CSMD1: variants seen among roughly 807,000 people sequenced by gnomAD.
CSMD1 encodes CUB and sushi domain-containing protein 1.
Under a neutral mutation model 417.5 loss-of-function variants are expected in CSMD1, and 213 were observed. That is an observed-to-expected ratio of 0.51 (90% CI 0.46 to 0.57). The LOEUF (loss-of-function observed/expected upper bound fraction) is 0.57. Among genes scored for constraint, CSMD1 ranks in the 20% least tolerant of loss-of-function variants. The pLI is 0.00. For synonymous variants in CSMD1, 2,862 were observed against 1,736.8 expected (o/e 1.65, Z -16.11); for missense variants, 6,923 against 4,529.7 (o/e 1.53, Z -15.17).
intron 23 of CSMD1, among the ~76,000 whole-genome samples, chr8:3,326,047 C>A (rs977823867): frequency 6.6e-6 from 1 of 152,166 alleles, no homozygotes; most frequent in African/African-American, 2.4e-5. Context: ...ACAGCGGTCA[C>A]CCGGGTGATC....
intron 3 of CSMD1, among the ~76,000 whole-genome samples, chr8:4,345,154 C>T (rs959215156): frequency 1.3e-5 from 2 of 152,106 alleles, no homozygotes; most frequent in African/African-American, 4.8e-5. Flanking sequence ...AAGCAGAAAA[C>T]AGTGGAAACA....
rs547351836 is a variant in CSMD1, at chr8:3,167,545, T to G, written c.5726-5268A>C. ...TGTACTGTAGTGTTTTATACAATAT[T>G]ATCCACTGATACATTTTGTGTTCAA... On this transcript the variant is annotated intron_variant, in intron 37 of 69. Transcript: ENST00000635120. Among the ~76,000 whole-genome samples, 22 of 152,346 alleles carry G rather than the reference T, an allele frequency of 1.4e-4. No homozygotes were observed. The South Asian group carries it at 4.3e-3, about 30-fold the overall frequency.
intron 50 of CSMD1, among the ~76,000 whole-genome samples, chr8:3,049,572 G>A (rs13261977): frequency 0.19 from 28,395 of 151,988 alleles, 3,198 homozygotes; most frequent in Non-Finnish European, 0.25. Context: ...GTTTGTCAGG[G>A]GTTGGATGCA....
Position 4,501,937 on chromosome 8 carries a change from GA to G in CSMD1, c.303-81873del, listed in dbSNP as rs534265089. On this transcript the variant is annotated intron_variant, in intron 2 of 69. Coordinates refer to ENST00000635120, the MANE Select transcript of CSMD1 (RefSeq NM_033225.6). Reference sequence around the variant, plus strand: ...GGGGGTTTTGGAACATACCCCCCTAGAATAAGGGAGAGAACTGTATTTAGAG... The same window carrying G: ...GGGGGTTTTGGAACATACCCCCCTAGATAAGGGAGAGAACTGTATTTAGAG... Among the ~76,000 whole-genome samples, 240 of 152,230 alleles carry G rather than the reference GA, an allele frequency of 1.6e-3. 1 individual carries two copies. Among genetic ancestry groups the G allele is most frequent in the African/African-American group, 4.8e-3 (200 of 41,552 alleles).
At chr8:4,365,262 T>C (rs1256915185) in intron 3 of CSMD1, among the ~76,000 whole-genome samples, 1 of 152,234 alleles carries the variant, frequency 6.6e-6, no homozygotes. Flanking sequence ...AATTTTACTT[T>C]CTTAAAGAAA....
chr8:4,163,489 C>G (rs773405367), intron 3 of CSMD1, among the ~76,000 whole-genome samples: 1 of 151,906 alleles, frequency 6.6e-6, no homozygotes, highest in African/African-American at 2.4e-5. Context: ...AGATTTTATC[C>G]TTCAACTCAC....
intron 8 of CSMD1, among the ~76,000 whole-genome samples, chr8:3,590,316 A>T (rs1800792538): frequency 6.6e-6 from 1 of 152,168 alleles, no homozygotes; most frequent in Non-Finnish European, 1.5e-5. Context: ...TTTATAATTT[A>T]AAAGTTAAAA....
chr8:3,781,999 T>C (rs79961689), intron 5 of CSMD1, among the ~76,000 whole-genome samples: 3,489 of 151,382 alleles, frequency 0.023, 176 homozygotes, highest in East Asian at 0.15. Context: ...CTGAAAGACA[T>C]TTTGATTTTT....
At chr8:4,750,979 G>T (rs908245203) in intron 1 of CSMD1, among the ~76,000 whole-genome samples, 2 of 152,200 alleles carry the variant, frequency 1.3e-5, no homozygotes, top group African/African-American at 4.8e-5. Flanking sequence ...TTAAGGGAAG[G>T]CTTTAACCTG....
chr8:3,169,003 C>T (rs534734273), intron 37 of CSMD1, among the ~76,000 whole-genome samples: 1 of 152,142 alleles, frequency 6.6e-6, no homozygotes, highest in African/African-American at 2.4e-5. Context: ...GAACTCTCAT[C>T]AAGTTTATTT....
At chr8:3,880,772 C>T (rs906636319) in intron 5 of CSMD1, among the ~76,000 whole-genome samples, 38 of 152,184 alleles carry the variant, frequency 2.5e-4, no homozygotes, top group African/African-American at 6.7e-4. Flanking sequence ...ATTTGTCTCA[C>T]GAAAAACAAT....
intron 3 of CSMD1, among the ~76,000 whole-genome samples, chr8:4,036,773 G>C (rs2954641): frequency 0.78 from 118,574 of 152,226 alleles, 46,621 homozygotes; most frequent in African/African-American, 0.89. Context: ...AGCACTGTTG[G>C]CAGCACCACT....
chr8:3,219,271 G>T lies in CSMD1; in HGVS notation c.4656C>A (p.Phe1552Leu). The T allele has an allele frequency of 6.3e-7, 1 of 1,592,796 alleles. No individual in the cohort carries two copies. The highest frequency in any genetic ancestry group is 8.6e-7 in the Non-Finnish European group (1 of 1,168,640). Residue 1552 changes from phenylalanine to leucine, a missense_variant, in exon 29 of 70, where the codon TTC becomes TTA. Transcript: ENST00000635120. ...RSDASVGLSG[F>L]AIEFKEKPRE... ...TCGCAATACCTTTAAATTCAATGGC[G>T]AACCCTGAAAGGCCCACGGAGGCAT...
chr8:3,891,556 A>C (rs1306626659), intron 5 of CSMD1, among the ~76,000 whole-genome samples: 1 of 151,956 alleles, frequency 6.6e-6, no homozygotes, highest in Non-Finnish European at 1.5e-5. Flanking sequence ...GGGGGTGTAC[A>C]CCTGTAGTCT....
intron 4 of CSMD1, among the ~76,000 whole-genome samples, chr8:4,008,351 T>C (rs1480080443): frequency 3.3e-5 from 5 of 152,030 alleles, no homozygotes; most frequent in African/African-American, 9.6e-5. Flanking sequence ...CTCCTTTTAT[T>C]CCATGGATAC....
At chr8:3,411,950 A>ATATACACGTATATATG (rs1812784998) in intron 12 of CSMD1, among the ~76,000 whole-genome samples, 3 of 76,744 alleles carry the variant, frequency 3.9e-5, no homozygotes, top group African/African-American at 1.0e-4. Context: ...ATGCACGTAT[A>ATATACACGTATATATG]TATACACGTA....
intron 3 of CSMD1, among the ~76,000 whole-genome samples, chr8:4,195,480 G>T (rs547876094): frequency 2.6e-5 from 4 of 152,168 alleles, no homozygotes; most frequent in Non-Finnish European, 4.4e-5. Context: ...CTCCTCGTGA[G>T]TCTCACCCTC....
intron 7 of CSMD1, among the ~76,000 whole-genome samples, chr8:3,666,708 T>C (rs1798712805): frequency 6.6e-6 from 1 of 152,230 alleles, no homozygotes; most frequent in African/African-American, 2.4e-5. Flanking sequence ...CTGATGTCTT[T>C]ATAAGGGGAA....
At chr8:3,720,416 C>T (rs772198416) in intron 6 of CSMD1, among the ~76,000 whole-genome samples, 2 of 152,212 alleles carry the variant, frequency 1.3e-5, no homozygotes, top group Non-Finnish European at 2.9e-5. Flanking sequence ...ACAACAACCT[C>T]ACTGTAAACT....
Sources: gnomAD v4.1 joint callset for allele counts (sites outside exome capture counted in the v4.1 genomes callset) on GRCh38, gnomAD v4.1.1 for gene constraint, MANE v1.5 for transcripts, NCBI Gene and HGNC (gene_info 2026-07-23, HGNC 2026-07-21) for gene names.